Variants in AKAP13 observed in about 807,000 individuals in gnomAD.
The protein encoded by AKAP13 is A-kinase anchoring protein 13.
AKAP13 carries 80 observed loss-of-function variants against 264.5 expected under a neutral mutation model. The observed-to-expected ratio is 0.30, with a 90% CI of 0.25 to 0.36. AKAP13 has a LOEUF of 0.36. Among genes scored for constraint, AKAP13 ranks in the 10% least tolerant of loss-of-function variants. The probability of loss-of-function intolerance (pLI) is 1.00; values close to 1 mark genes in which losing one functional copy is unlikely to be tolerated. For synonymous variants in AKAP13, 1,380 were observed against 1,250.2 expected (o/e 1.10, Z -2.19); for missense variants, 3,712 against 3,435.2 (o/e 1.08, Z -2.01).
In AKAP13 at chr15:85,581,528, C is replaced by A. The variant is rs757173566; in HGVS notation, c.3460C>A (p.Pro1154Thr). 2.5e-6 allele frequency: 4 copies of A among 1,614,154 alleles called. No homozygotes were observed. Among genetic ancestry groups the A allele is most frequent in the Non-Finnish European group, 2.5e-6 (3 of 1,180,016 alleles). The change falls in exon 7 of 37, where the codon CCT becomes ACT. Residue 1154 changes from proline (P) to threonine (T), a missense_variant. Around this residue, in one of 3 missense-constraint regions of AKAP13, gnomAD observed 2,759 missense variants for 2,411.7 expected, o/e 1.14. Transcript: ENST00000394518. The part of the protein sequence containing the change: ...PQGVGTPEMI[P>T]LDWEKGKLEG... ...GGGAGTTGGAACCCCAGAGATGATACCTCTTGATTGGGAGAAAGGGAAGCT... is the reference window on the plus strand; with the variant it reads ...GGGAGTTGGAACCCCAGAGATGATAACTCTTGATTGGGAGAAAGGGAAGCT...
chr15:85,403,644 C>T (rs1567040742), intron 1 of AKAP13, among the ~76,000 whole-genome samples: 9 of 152,054 alleles, frequency 5.9e-5, no homozygotes. Flanking sequence ...AGTTCGAGAT[C>T]AGCCTGATCA....
intron 6 of AKAP13, among the ~76,000 whole-genome samples, chr15:85,578,537 G>A (rs2079090611): frequency 6.6e-6 from 1 of 152,032 alleles, no homozygotes; most frequent in African/African-American, 2.4e-5. Context: ...AGTAGAGACA[G>A]GGTTTCTCCA....
intron 1 of AKAP13, among the ~76,000 whole-genome samples, chr15:85,416,959 T>G (rs1322848193): frequency 6.6e-6 from 1 of 152,230 alleles, no homozygotes; most frequent in African/African-American, 2.4e-5. Context: ...GAGTTTGATA[T>G]ATTAGAGTAA....
At chr15:85,666,336 G>T (rs867253487) in intron 13 of AKAP13, among the ~76,000 whole-genome samples, 1 of 151,826 alleles carries the variant, frequency 6.6e-6, no homozygotes, top group Non-Finnish European at 1.5e-5. Context: ...TTTGAGAAGT[G>T]TCTGTTCATA....
chr15:85,404,215 T>C (rs2071563737), intron 1 of AKAP13, among the ~76,000 whole-genome samples: 1 of 152,220 alleles, frequency 6.6e-6, no homozygotes, highest in African/African-American at 2.4e-5. Flanking sequence ...ATAGCATAGT[T>C]AAGGGCAGGT....
chr15:85,649,107 AC>A (rs2082687846), intron 10 of AKAP13, among the ~76,000 whole-genome samples: 1 of 152,246 alleles, frequency 6.6e-6, no homozygotes, highest in Non-Finnish European at 1.5e-5. Context: ...CAGGATACTT[AC>A]TGTACAGTAG....
Position 85,581,992 on chromosome 15 carries a change from C to G in AKAP13, c.3924C>G (p.Ser1308Arg). The part of the protein sequence containing the change: ...EKVSTFPPGE[S>R]LPMGSTPEEA... Reference sequence around the variant, plus strand: ...TGAGTACTTTCCCACCTGGGGAGAGCCTACCAATGGGCAGTACTCCTGAGG... The same window carrying G: ...TGAGTACTTTCCCACCTGGGGAGAGGCTACCAATGGGCAGTACTCCTGAGG... Residue 1308 changes from serine to arginine, a missense_variant, in exon 7 of 37, where the codon AGC (serine) becomes AGG (arginine). Around this residue, in one of 3 missense-constraint regions of AKAP13, gnomAD observed 2,759 missense variants for 2,411.7 expected, o/e 1.14. Coordinates refer to ENST00000394518, the MANE Select transcript of AKAP13 (RefSeq NM_007200.5). The G allele has an allele frequency of 6.2e-7, 1 of 1,614,134 alleles. No homozygotes were observed. The highest frequency in any genetic ancestry group is 8.5e-7 in the Non-Finnish European group (1 of 1,180,012).
At chr15:85,619,545 C>G in intron 8 of AKAP13, 14 of 985,250 alleles carry the variant, frequency 1.4e-5, no homozygotes, top group Non-Finnish European at 1.7e-5. Context: ...TTTTCTTTGT[C>G]TTTGTTTTTG....
rs775189535 is a variant in AKAP13 at position 85,585,891 on chromosome 15, T to C, written c.4161+68T>C. ...ATCCTGTTCTGCTGTGTCTTATTTA[T>C]GGCTTTGTCTTTTATTTGAGGGTAA... is the stretch of plus-strand genomic sequence containing the variant. On this transcript the variant is annotated intron_variant, in intron 8 of 36. Coordinates refer to ENST00000394518, the MANE Select transcript of AKAP13 (RefSeq NM_007200.5). 134 of 1,576,426 alleles carry C rather than the reference T, an allele frequency of 8.5e-5. 4 individuals carry two copies. The Middle Eastern group carries it at 0.012, about 147-fold the overall frequency.
At chr15:85,559,381 T>C (rs35085180) in intron 5 of AKAP13, among the ~76,000 whole-genome samples, 30,810 of 152,154 alleles carry the variant, frequency 0.2, 4,149 homozygotes, top group Middle Eastern at 0.41. Flanking sequence ...GGACTGGTTT[T>C]GTGGAAGACA....
chr15:85,415,532 G>C, intron 1 of AKAP13: 1 of 1,494,592 alleles, frequency 6.7e-7, no homozygotes, highest in East Asian at 2.3e-5. Context: ...AGTGGGATGG[G>C]AAGGAAAACA....
Position 85,640,854 on chromosome 15 carries a change from A to G in AKAP13, c.4237+1405A>G, listed in dbSNP as rs149809303. Among the ~76,000 whole-genome samples, 988 of 152,342 alleles carry G rather than the reference A, an allele frequency of 6.5e-3. 11 individuals are homozygous for G. Among genetic ancestry groups the G allele is most frequent in the African/African-American group, 0.022 (927 of 41,570 alleles). ...CTCCACACATCATAGTTTAATTTCT[A>G]TATTTAGAGAAATAATTTTTGAACC... On this transcript the variant is annotated intron_variant, in intron 9 of 36. Transcript: ENST00000394518.
At chr15:85,465,338 T>A (rs2074689618) in intron 1 of AKAP13, among the ~76,000 whole-genome samples, 1 of 152,106 alleles carries the variant, frequency 6.6e-6, no homozygotes, top group Non-Finnish European at 1.5e-5. Flanking sequence ...TGGATCTTAG[T>A]CATTTTTAAA....
chr15:85,717,211 C>A, intron 20 of AKAP13, 79 bp from the exon 21 acceptor site: 1 of 886,284 alleles, frequency 1.1e-6, no homozygotes, highest in African/African-American at 1.7e-5. Context: ...ATTCTAGAGT[C>A]TTCAGGTACT....
intron 2 of AKAP13, among the ~76,000 whole-genome samples, chr15:85,509,796 T>G (rs1284959100): frequency 6.6e-6 from 1 of 152,224 alleles, no homozygotes; most frequent in Non-Finnish European, 1.5e-5. Context: ...TAGTGTTACA[T>G]GACATTTTAT....
At position 85,619,064 on chromosome 15, in the gene AKAP13, AC is replaced by A. The variant is rs372649669; in HGVS notation, c.4162-20304del. On this transcript the variant is annotated intron_variant, in intron 8 of 36. Coordinates refer to ENST00000394518, the MANE Select transcript of AKAP13 (RefSeq NM_007200.5). ...ACACGCTTGTGGTGTTTAGTATAAC[AC>A]CCCCCTTCCTTTATTAGCATACTAC... 1.6e-3 allele frequency among the ~76,000 whole-genome samples: 246 copies of A among 151,532 alleles called. 2 individuals are homozygous for A. Among genetic ancestry groups the A allele is most frequent in the Middle Eastern group, 3.4e-3 (1 of 294 alleles).
chr15:85,671,212 T>G (rs2083907754), intron 14 of AKAP13, among the ~76,000 whole-genome samples: 2 of 152,106 alleles, frequency 1.3e-5, no homozygotes, highest in South Asian at 4.1e-4. Flanking sequence ...CATGGGATGT[T>G]CCATCTCACT....
chr15:85,518,886 A>G (rs1286569457), intron 2 of AKAP13, among the ~76,000 whole-genome samples: 1 of 152,226 alleles, frequency 6.6e-6, no homozygotes, highest in African/African-American at 2.4e-5. Flanking sequence ...TACTTGTAAA[A>G]AGAGGTTCAT....
At chr15:85,444,497 C>T (rs917455552) in intron 1 of AKAP13, among the ~76,000 whole-genome samples, 6 of 152,152 alleles carry the variant, frequency 3.9e-5, no homozygotes, top group African/African-American at 7.2e-5. Context: ...GGTTGCAGAA[C>T]GAATCTACAT....
Sources: gnomAD v4.1 joint callset for allele counts (sites outside exome capture counted in the v4.1 genomes callset) on GRCh38, gnomAD v4.1.1 for gene constraint, gnomAD v4.1.1 regional missense constraint, MANE v1.5 for transcripts, NCBI Gene and HGNC (gene_info 2026-07-23, HGNC 2026-07-21) for gene names.